Variants in RUSC2 observed in about 807,000 individuals in gnomAD.
The protein encoded by RUSC2 is RUN and SH3 domain containing 2.
Under a neutral mutation model 122.2 loss-of-function variants are expected in RUSC2, and 34 were observed. That is an observed-to-expected ratio of 0.28 (90% CI 0.21 to 0.37). RUSC2 has a LOEUF of 0.37. RUSC2 is among the 10% of genes least tolerant of loss of function. RUSC2 has a pLI of 1.00. For synonymous variants in RUSC2, 784 were observed against 790.0 expected (o/e 0.99, Z 0.13); for missense variants, 1,747 against 1,952.4 (o/e 0.89, Z 1.98).
At chr9:35,515,778 C>A (rs922539818) in intron 1 of RUSC2, among the ~76,000 whole-genome samples, 5 of 151,734 alleles carry the variant, frequency 3.3e-5, no homozygotes, top group African/African-American at 1.2e-4. Flanking sequence ...GTGGGAGGAT[C>A]ACTTGAGGCC....
At chr9:35,499,739 C>G (rs1288752268) in intron 1 of RUSC2, among the ~76,000 whole-genome samples, 1 of 152,082 alleles carries the variant, frequency 6.6e-6, no homozygotes, top group Non-Finnish European at 1.5e-5. Context: ...AAAATGCACC[C>G]TTGTATTTAG....
At chr9:35,512,638 G>A (rs547832575) in intron 1 of RUSC2, among the ~76,000 whole-genome samples, 5 of 152,246 alleles carry the variant, frequency 3.3e-5, no homozygotes, top group Admixed American at 1.3e-4. Flanking sequence ...AAATACAGAT[G>A]ATCAAAAAGA....
intron 1 of RUSC2, among the ~76,000 whole-genome samples, chr9:35,540,855 A>G (rs1336049581): frequency 6.6e-6 from 1 of 152,136 alleles, no homozygotes; most frequent in Non-Finnish European, 1.5e-5. Flanking sequence ...AATTGGGCAG[A>G]CCTGGGATTG....
chr9:35,490,116 ACGCCGCCGCCGC>A lies in RUSC2; in HGVS notation c.-137_-126del, dbSNP rs139160591. 1.8e-4 allele frequency: 28 copies of A among 154,390 alleles called. No individual in the cohort carries two copies. The highest frequency in any genetic ancestry group is 5.9e-4 in the Admixed American group (9 of 15,234). 9.6% of individuals were successfully genotyped at this position (154,390 alleles called of 1,614,324 possible). Reference sequence around the variant, plus strand: ...CAACGCGACCCCTGGAGGGCGAGACACGCCGCCGCCGCCGCCGCCGCCGGCGCGGAAGGACGA... The same window carrying A: ...CAACGCGACCCCTGGAGGGCGAGACACGCCGCCGCCGGCGCGGAAGGACGA... On this transcript the variant is annotated 5_prime_UTR_variant, in exon 1 of 12. Transcript: ENST00000361226.
At chr9:35,540,575 A>T (rs150075530) in intron 1 of RUSC2, among the ~76,000 whole-genome samples, 1 of 152,118 alleles carries the variant, frequency 6.6e-6, no homozygotes, top group Non-Finnish European at 1.5e-5. Context: ...GAGACCATGA[A>T]TGGGGCAGGG....
rs1821831111 is a variant in RUSC2 at position 35,548,954 on chromosome 9, C to T, written c.2014+419C>T. On this transcript the variant is annotated intron_variant, in intron 2 of 11. Coordinates refer to ENST00000361226, the MANE Select transcript of RUSC2 (RefSeq NM_014806.5). The surrounding 1 kb of genome is among the most constrained non-coding windows in gnomAD (Gnocchi z 4.5). Reference sequence around the variant, plus strand: ...GGCTGAGGCAGGAGAATTGCTTGAACCCAGGAGGTGGAGGTTGCACTGAGC... The same window carrying T: ...GGCTGAGGCAGGAGAATTGCTTGAATCCAGGAGGTGGAGGTTGCACTGAGC... The T allele has an allele frequency of 1.5e-6, 1 of 660,578 alleles. No homozygotes were observed. Among genetic ancestry groups the T allele is most frequent in the South Asian group, 6.7e-5 (1 of 14,822 alleles). The allele number at this position is 660,578 out of a possible 1,614,324, so 40.9% of individuals were successfully genotyped here. A position where few individuals can be genotyped will look rare whatever the true frequency, so the allele number is the denominator to read the frequency against.
chr9:35,535,118 AG>A (rs1821495484), intron 1 of RUSC2, among the ~76,000 whole-genome samples: 1 of 151,738 alleles, frequency 6.6e-6, no homozygotes, highest in South Asian at 2.1e-4. Context: ...TTGTTGCCTA[AG>A]CTTCTTTTTT....
At chr9:35,531,918 C>T (rs1262304709) in intron 1 of RUSC2, among the ~76,000 whole-genome samples, 4 of 151,946 alleles carry the variant, frequency 2.6e-5, no homozygotes, top group African/African-American at 9.7e-5. Flanking sequence ...CCCAGCTACT[C>T]GGGAGACTGA....
At position 35,548,475 on chromosome 9, in the gene RUSC2, G is replaced by T. The variant is rs1252900182; in HGVS notation, c.1954G>T (p.Ala652Ser). 1.2e-6 allele frequency: 2 copies of T among 1,613,682 alleles called. No individual in the cohort carries two copies. The change falls in exon 2 of 12, where the codon GCT (alanine) becomes TCT (serine). Residue 652 changes from alanine to serine, a missense_variant. Transcript: ENST00000361226. This position sits in a 1 kb window ranked among gnomAD's most constrained non-coding sequence, Gnocchi z 4.5. ...PLAQLMDPGPALPGSPANSHT... is the reference protein window; with the variant it reads ...PLAQLMDPGPSLPGSPANSHT... ...GGCTCAGCTGATGGATCCAGGGCCT[G>T]CTCTCCCAGGGAGCCCAGCCAACAG...
At chr9:35,524,901 G>A (rs973391451) in intron 1 of RUSC2, among the ~76,000 whole-genome samples, 5 of 151,892 alleles carry the variant, frequency 3.3e-5, no homozygotes, top group Non-Finnish European at 7.4e-5. Flanking sequence ...AACCCGGGAG[G>A]TGGAGCTTGC....
intron 1 of RUSC2, among the ~76,000 whole-genome samples, chr9:35,494,579 T>A (rs993700146): frequency 3.9e-5 from 6 of 152,168 alleles, no homozygotes; most frequent in African/African-American, 1.4e-4. Context: ...TTCATACCTA[T>A]CGGCCATTTG....
Position 35,548,762 on chromosome 9 carries a change from ACT to A in RUSC2, c.2014+229_2014+230del. ...TACACTGAGCAGACTGGGTGCAGTG[ACT>A]CACACCTGTGATCCCAGCCCTTTGG... On this transcript the variant is annotated intron_variant, in intron 2 of 11. Transcript: ENST00000361226. This position sits in a 1 kb window ranked among gnomAD's most constrained non-coding sequence, Gnocchi z 4.5. 1 of 984,280 alleles carries A rather than the reference ACT, an allele frequency of 1.0e-6. No homozygotes were observed. The highest frequency in any genetic ancestry group is 1.2e-6 in the Non-Finnish European group (1 of 828,958). The allele number at this position is 984,280 out of a possible 1,614,324, so 61.0% of individuals were successfully genotyped here.
chr9:35,532,596 TA>T, intron 1 of RUSC2, among the ~76,000 whole-genome samples: 2 of 151,176 alleles, frequency 1.3e-5, no homozygotes, highest in Non-Finnish European at 3.0e-5. Flanking sequence ...ACCACAAAAA[TA>T]TAGCTGGGTG....
In RUSC2 at chr9:35,541,533, G is replaced by A. The variant is rs1007867991; in HGVS notation, c.-92-4897G>A. Among the ~76,000 whole-genome samples the A allele has an allele frequency of 3.3e-5, 5 of 151,466 alleles. No homozygotes were observed. The East Asian group carries it at 5.8e-4, about 18-fold the overall frequency. On this transcript the variant is annotated intron_variant, in intron 1 of 11. Transcript: ENST00000361226. ...ACGATCTCGGCTCACTGCAACCTCCGCCTCCTGGGTTCAAGTAATTCTCCT... is the reference window on the plus strand; with the variant it reads ...ACGATCTCGGCTCACTGCAACCTCCACCTCCTGGGTTCAAGTAATTCTCCT...
Position 35,546,702 on chromosome 9 carries a change from C to G in RUSC2, c.181C>G (p.Gln61Glu), listed in dbSNP as rs943942875. 3 of 1,560,592 alleles carry G rather than the reference C, an allele frequency of 1.9e-6. No individual in the cohort carries two copies. Among genetic ancestry groups the G allele is most frequent in the Non-Finnish European group, 1.7e-6 (2 of 1,154,162 alleles). The change falls in exon 2 of 12, where the codon CAA becomes GAA. Residue 61 changes from glutamine (Q) to glutamate (E), a missense_variant. Physicochemically the swap from Gln to Glu is conservative, Grantham distance 29. Transcript: ENST00000361226. This position sits in a 1 kb window ranked among gnomAD's most constrained non-coding sequence, Gnocchi z 4.3. ...GITQPDQDLG[Q>E]ADSLLFSSLH... ...CACCCAGCCCGATCAAGACCTAGGA[C>G]AAGCTGACTCCCTGCTATTCAGCAG... is the stretch of plus-strand genomic sequence containing the variant.
At chr9:35,497,692 A>G (rs545098807) in intron 1 of RUSC2, among the ~76,000 whole-genome samples, 3 of 152,114 alleles carry the variant, frequency 2.0e-5, no homozygotes, top group Admixed American at 2.0e-4. Flanking sequence ...TGATATGCAC[A>G]CTCATGTCCA....
intron 1 of RUSC2, among the ~76,000 whole-genome samples, chr9:35,520,620 C>G (rs1195923166): frequency 6.6e-6 from 1 of 152,154 alleles, no homozygotes; most frequent in Non-Finnish European, 1.5e-5. Context: ...CTTCCTGAAG[C>G]CCAGGAGCTA....
At chr9:35,524,291 ACT>A (rs1161132893) in intron 1 of RUSC2, among the ~76,000 whole-genome samples, 1 of 152,194 alleles carries the variant, frequency 6.6e-6, no homozygotes, top group Non-Finnish European at 1.5e-5. Flanking sequence ...ACAGGGTGTG[ACT>A]CTGCCTCAAA....
At position 35,560,416 on chromosome 9, in the gene RUSC2, G is replaced by A. The variant is rs369964066; in HGVS notation, c.3776G>A (p.Arg1259His). The change falls in exon 10 of 12, where the codon CGT becomes CAT. Residue 1259 changes from arginine (R) to histidine (H), a missense_variant. Coordinates refer to ENST00000361226, the MANE Select transcript of RUSC2 (RefSeq NM_014806.5). ...GCAGAGGCAGCCGGGGGCTCAGGGC[G>A]TGCCAGGTGGGCCCGAGGTGGGCAG... ...EVAEAAGGSG[R>H]ARWARGGQAG... The A allele has an allele frequency of 1.9e-5, 30 of 1,614,058 alleles. No individual in the cohort carries two copies. Among genetic ancestry groups the A allele is most frequent in the Admixed American group, 1.7e-4 (10 of 60,014 alleles).
Sources: allele counts gnomAD v4.1 joint callset (sites outside exome capture counted in the v4.1 genomes callset), GRCh38; gene constraint gnomAD v4.1.1; non-coding constraint Gnocchi (gnomAD v3.1); transcripts MANE v1.5; gene names NCBI Gene and HGNC (gene_info 2026-07-23, HGNC 2026-07-21).